UMODL1: variants seen among roughly 807,000 people sequenced by gnomAD.
UMODL1 encodes the protein uromodulin like 1.
UMODL1 carries 128 observed loss-of-function variants against 136.3 expected under a neutral mutation model. The ratio of observed to expected loss-of-function variants is 0.94; its 90% CI spans 0.81 to 1.09. The LOEUF is 1.09. UMODL1 is among the 50% of genes least tolerant of loss of function. The probability of loss-of-function intolerance (pLI) is 0.00; values close to 1 mark genes in which losing one functional copy is unlikely to be tolerated. For synonymous variants in UMODL1, 721 were observed against 720.0 expected (o/e 1.00, Z -0.02); for missense variants, 1,766 against 1,725.6 (o/e 1.02, Z -0.41).
chr21:42,086,871 C>T (rs1033017592), intron 4 of UMODL1, among the ~76,000 whole-genome samples: 6 of 152,232 alleles, frequency 3.9e-5, no homozygotes, highest in Non-Finnish European at 8.8e-5. Flanking sequence ...GAGGCTGAGG[C>T]AGGAGAATTG....
In UMODL1 at chr21:42,135,828, C is replaced by T. The variant is rs752424182; in HGVS notation, c.3776-1611C>T. The stretch of plus-strand genomic sequence containing the variant: ...GCTTATGTTCAGCACCCCAGGGATC[C>T]GACAGTGCCATTGTTGGATGGCTTT... On this transcript the variant is annotated intron_variant, in intron 21 of 22. Coordinates refer to ENST00000408910, the MANE Select transcript of UMODL1 (RefSeq NM_001004416.3). 7.2e-5 allele frequency among the ~76,000 whole-genome samples: 11 copies of T among 152,094 alleles called. No homozygotes were observed. The East Asian group carries it at 7.7e-4, about 11-fold the overall frequency.
At chr21:42,115,170 G>A (rs879417333) in intron 13 of UMODL1, among the ~76,000 whole-genome samples, 9 of 152,246 alleles carry the variant, frequency 5.9e-5, no homozygotes, top group Non-Finnish European at 1.3e-4. Context: ...GCGCATGGCA[G>A]GCGCTTTGCA....
At chr21:42,104,152 T>A in intron 9 of UMODL1, 65 bp downstream of exon 9, 1 of 1,466,944 alleles carries the variant, frequency 6.8e-7, no homozygotes, top group African/African-American at 1.4e-5. Flanking sequence ...TTGGTGACTT[T>A]ATTTGAGTCA....
intron 21 of UMODL1, among the ~76,000 whole-genome samples, chr21:42,132,177 T>C (rs556263158): frequency 6.6e-6 from 1 of 152,074 alleles, no homozygotes; most frequent in African/African-American, 2.4e-5. Flanking sequence ...CATTCATCTA[T>C]CCATCTATCA....
intron 6 of UMODL1, among the ~76,000 whole-genome samples, chr21:42,092,003 A>G (rs375184566): frequency 6.6e-6 from 1 of 152,256 alleles, no homozygotes; most frequent in African/African-American, 2.4e-5. Context: ...CGTGCGCAGC[A>G]AGGTCAGCAG....
At chr21:42,077,423 T>C (rs1433805985) in intron 2 of UMODL1, among the ~76,000 whole-genome samples, 2 of 151,950 alleles carry the variant, frequency 1.3e-5, no homozygotes, top group Non-Finnish European at 2.9e-5. Flanking sequence ...TAGATTTTCT[T>C]TTATACTTTG....
At chr21:42,111,239 C>G in intron 11 of UMODL1, 118 bp downstream of exon 11, 1 of 1,525,366 alleles carries the variant, frequency 6.6e-7, no homozygotes, top group East Asian at 2.6e-5. Flanking sequence ...CCAGGCGAGC[C>G]CCAGCCAGAG....
In UMODL1 at chr21:42,084,184, T is replaced by A. The variant is rs375843491; in HGVS notation, c.420T>A (p.Pro140=). The part of the protein sequence containing the change: ...TSPCSLDIDC[P]GLEKCCPWSG... ...CCTGCAGCTTGGACATCGACTGTCC[T>A]GGACTTGAGAAGTGCTGCCCCTGGT... The change falls in exon 3 of 23, where the codon CCT becomes CCA. Residue 140 remains proline, a synonymous_variant. Transcript: ENST00000408910. The A allele has an allele frequency of 1.4e-4, 221 of 1,613,916 alleles. 2 individuals are homozygous for A. The highest frequency in any genetic ancestry group is 1.8e-5 in the Non-Finnish European group (21 of 1,180,046).
intron 6 of UMODL1, among the ~76,000 whole-genome samples, chr21:42,091,366 G>T (rs976248837): frequency 2.0e-5 from 3 of 152,224 alleles, no homozygotes; most frequent in Non-Finnish European, 4.4e-5. Flanking sequence ...GTTGGGGGAA[G>T]CATGTAGATA....
intron 20 of UMODL1, among the ~76,000 whole-genome samples, chr21:42,128,386 A>G (rs2067090149): frequency 6.6e-6 from 1 of 152,214 alleles, no homozygotes; most frequent in South Asian, 2.1e-4. Context: ...AGGTTCCCAC[A>G]TGTTGGTCGC....
chr21:42,085,789 C>T lies in UMODL1; in HGVS notation c.603+377C>T, dbSNP rs944909230. Among the ~76,000 whole-genome samples, 2 of 152,140 alleles carry T rather than the reference C, an allele frequency of 1.3e-5. No individual in the cohort carries two copies. Among genetic ancestry groups the T allele is most frequent in the Non-Finnish European group, 1.5e-5 (1 of 68,010 alleles). ...GTCCCAATTTCTTCAAGTTCTGGCTCCTGCTTCGTGGAAGCCAGCACCAAC... is the reference window on the plus strand; with the variant it reads ...GTCCCAATTTCTTCAAGTTCTGGCTTCTGCTTCGTGGAAGCCAGCACCAAC... On this transcript the variant is annotated intron_variant, in intron 4 of 22. Transcript: ENST00000408910. This position sits in a 1 kb window ranked among gnomAD's most constrained non-coding sequence, Gnocchi z 4.5.
Position 42,127,197 on chromosome 21 carries a change from C to T in UMODL1, c.3485C>T (p.Ser1162Phe), listed in dbSNP as rs779875956. 2 of 1,614,080 alleles carry T rather than the reference C, an allele frequency of 1.2e-6. No individual in the cohort carries two copies. Among genetic ancestry groups the T allele is most frequent in the Non-Finnish European group, 1.7e-6 (2 of 1,180,032 alleles). ...VVLTECWATP[S>F]SNARDPITFS... ...CTGACGGAGTGCTGGGCAACCCCGT[C>T]TAGCAACGCCCGGGACCCCATCACC... The change falls in exon 19 of 23, where the codon TCT becomes TTT. Residue 1162 changes from serine to phenylalanine, a missense_variant. Physicochemically the swap from Ser to Phe is radical, Grantham distance 155 (BLOSUM62 -2). Transcript: ENST00000408910.
chr21:42,075,864 T>A, intron 1 of UMODL1, 141 bp from the exon 2 acceptor site: 1 of 1,234,442 alleles, frequency 8.1e-7, no homozygotes, highest in Non-Finnish European at 1.1e-6. Context: ...TGGAGAGGGC[T>A]GGTGGGCAGC....
chr21:42,133,885 T>TG (rs201507090), intron 21 of UMODL1, among the ~76,000 whole-genome samples: 5,449 of 150,728 alleles, frequency 0.036, 149 homozygotes, highest in Middle Eastern at 0.058. Context: ...TCAATATATC[T>TG]GTTTTTTGTT....
At chr21:42,133,381 C>T (rs1026122885) in intron 21 of UMODL1, among the ~76,000 whole-genome samples, 3 of 152,246 alleles carry the variant, frequency 2.0e-5, no homozygotes, top group Admixed American at 6.5e-5. Context: ...GGTACCTGCA[C>T]GAGCTGGGCC....
At chr21:42,120,322 A>T (rs1477550707) in intron 15 of UMODL1, among the ~76,000 whole-genome samples, 1 of 152,264 alleles carries the variant, frequency 6.6e-6, no homozygotes, top group East Asian at 1.9e-4. Context: ...TTGGATTCTG[A>T]AATATCAGCT....
rs866461378 is a variant in UMODL1, at chr21:42,122,900, C to T, written c.2897C>T (p.Ala966Val). Residue 966 changes from alanine (A) to valine (V), a missense_variant, in exon 17 of 23, where the codon GCT becomes GTT. By Grantham distance (64) the Ala-to-Val change is moderately conservative. Transcript: ENST00000408910. The surrounding 1 kb of genome is among the most constrained non-coding windows in gnomAD (Gnocchi z 4.3). Reference sequence around the variant, plus strand: ...CCTCTCACCACAGCAGGGACCAAGGCTGCCTTTGTGCAAGGCACCAGCCCC... The same window carrying T: ...CCTCTCACCACAGCAGGGACCAAGGTTGCCTTTGTGCAAGGCACCAGCCCC... ...ERPLTTAGTKAAFVQGTSPTP... is the reference protein window; with the variant it reads ...ERPLTTAGTKVAFVQGTSPTP... 2 of 1,613,884 alleles carry T rather than the reference C, an allele frequency of 1.2e-6. No homozygotes were observed. Among genetic ancestry groups the T allele is most frequent in the Middle Eastern group, 3.3e-4 (2 of 6,056 alleles).
chr21:42,092,439 TA>T (rs1290420555), intron 6 of UMODL1, among the ~76,000 whole-genome samples: 17 of 152,146 alleles, frequency 1.1e-4, no homozygotes, highest in Admixed American at 9.8e-4. Context: ...TGTGTAATTT[TA>T]TAAGCTGCTT....
intron 6 of UMODL1, among the ~76,000 whole-genome samples, chr21:42,097,483 G>A (rs980624344): frequency 2.6e-5 from 4 of 152,154 alleles, no homozygotes; most frequent in East Asian, 1.9e-4. Context: ...CAGCCAAGGC[G>A]CAAAGGGAAA....
Sources: gnomAD v4.1 joint callset for allele counts (sites outside exome capture counted in the v4.1 genomes callset) on GRCh38, gnomAD v4.1.1 for gene constraint, Gnocchi (gnomAD v3.1) non-coding constraint, MANE v1.5 for transcripts, NCBI Gene and HGNC (gene_info 2026-07-23, HGNC 2026-07-21) for gene names.